ETV1: variants seen among roughly 807,000 people sequenced by gnomAD.
The protein encoded by ETV1 is ETS translocation variant 1.
ETV1 carries 27 observed loss-of-function variants against 62.3 expected under a neutral mutation model. The observed-to-expected ratio is 0.43, with a 90% CI of 0.32 to 0.60. ETV1 has a LOEUF of 0.60. ETV1 is among the 20% of genes least tolerant of loss of function. The pLI, the probability that ETV1 is intolerant of heterozygous loss-of-function variation, is 0.06. For synonymous variants in ETV1, 222 were observed against 199.6 expected (o/e 1.11, Z -0.94); for missense variants, 605 against 605.8 (o/e 1.00, Z 0.01).
At chr7:13,900,957 T>TAA (rs1782355000) in intron 12 of ETV1, 118 bp from the exon 13 acceptor site, 3 of 619,766 alleles carry the variant, frequency 4.8e-6, no homozygotes, top group South Asian at 5.0e-5. Flanking sequence ...AGGATATAAG[T>TAA]AAAGTAGCAA....
chr7:13,977,961 C>T (rs1363050561), intron 5 of ETV1, among the ~76,000 whole-genome samples: 2 of 152,026 alleles, frequency 1.3e-5, no homozygotes, highest in African/African-American at 2.4e-5. Flanking sequence ...CTCTGTCCTG[C>T]AAAATACACC....
In ETV1 at chr7:13,904,875, AG is replaced by A. The variant is rs1193132911; in HGVS notation, c.1110+1554del. Among the ~76,000 whole-genome samples the A allele has an allele frequency of 2.0e-5, 3 of 151,030 alleles. No homozygotes were observed. In the East Asian group the frequency reaches 5.8e-4, roughly 29 times the overall value. On this transcript the variant is annotated intron_variant, in intron 12 of 13. Transcript: ENST00000430479. ...GGTTCTTTCACTTACATCATGTGAG[AG>A]TATCTATGAAAAAACTAATCTTCTT...
At chr7:13,956,438 C>T (rs1195275758) in intron 6 of ETV1, among the ~76,000 whole-genome samples, 1 of 152,072 alleles carries the variant, frequency 6.6e-6, no homozygotes, top group African/African-American at 2.4e-5. Context: ...CTTCAGGAAC[C>T]AAGCCTTGTC....
At chr7:13,971,459 A>G (rs1434290480) in intron 6 of ETV1, among the ~76,000 whole-genome samples, 1 of 152,220 alleles carries the variant, frequency 6.6e-6, no homozygotes, top group Non-Finnish European at 1.5e-5. Flanking sequence ...TAAAGTACAG[A>G]AGTTTGCAAA....
intron 6 of ETV1, chr7:13,959,109 A>G (rs1427528194): frequency 1.3e-5 from 2 of 151,906 alleles, no homozygotes. Context: ...GTAGTCAGGT[A>G]GTATTTTTTT....
At chr7:13,985,863 CCTA>C (rs1782501742) in intron 5 of ETV1, among the ~76,000 whole-genome samples, 1 of 152,060 alleles carries the variant, frequency 6.6e-6, no homozygotes. Context: ...ATCTCATTTT[CCTA>C]TAAAGTTGCA....
At chr7:13,963,763 T>C (rs781019553) in intron 6 of ETV1, among the ~76,000 whole-genome samples, 1 of 152,180 alleles carries the variant, frequency 6.6e-6, no homozygotes, top group Non-Finnish European at 1.5e-5. Flanking sequence ...GATAGGTCTA[T>C]ATATTCCATA....
intron 9 of ETV1, among the ~76,000 whole-genome samples, chr7:13,916,646 A>G (rs1297894564): frequency 6.6e-6 from 1 of 152,072 alleles, no homozygotes; most frequent in Non-Finnish European, 1.5e-5. Flanking sequence ...AAAAAAGAGT[A>G]GGCTGTGCAC....
Position 13,911,263 on chromosome 7 carries a change from G to C in ETV1, c.847C>G (p.Leu283Val). The change falls in exon 10 of 14, where the codon CTG becomes GTG. Residue 283 changes from leucine (L) to valine (V), a missense_variant. By Grantham distance (32) the Leu-to-Val change is conservative. Coordinates refer to ENST00000430479, the MANE Select transcript of ETV1 (RefSeq NM_004956.5). ...ACTTCTGTTCTGCTGGGATGAGCCA[G>C]GAAGCCTTCTTGCCTCATATAAATG... ...HSIYMRQEGFLAHPSRTEGCM... is the reference protein window; with the variant it reads ...HSIYMRQEGFVAHPSRTEGCM... The C allele has an allele frequency of 6.2e-7, 1 of 1,613,026 alleles. No individual in the cohort carries two copies. The highest frequency in any genetic ancestry group is 1.1e-5 in the South Asian group (1 of 90,984).
At chr7:13,988,834 G>T (rs749585865) in intron 3 of ETV1, 174 bp downstream of exon 3, 142 of 1,598,062 alleles carry the variant, frequency 8.9e-5, no homozygotes, top group Non-Finnish European at 1.1e-4. Context: ...TCACTGAAAG[G>T]TAAGCTCATT....
chr7:13,914,857 A>G (rs533977347), intron 9 of ETV1, among the ~76,000 whole-genome samples: 147 of 152,288 alleles, frequency 9.7e-4, no homozygotes, highest in Middle Eastern at 6.8e-3. Flanking sequence ...AAGGATCTAC[A>G]TCAGGCCACG....
Position 13,893,147 on chromosome 7 carries a change from T to A in ETV1, c.*2719A>T. On this transcript the variant is annotated 3_prime_UTR_variant, in exon 14 of 14. Coordinates refer to ENST00000430479, the MANE Select transcript of ETV1 (RefSeq NM_004956.5). ...GCAATTAATCTATTGGGTATTAACA[T>A]GTCATCATCAAGAGACAGCAAACAG... 4.3e-6 allele frequency: 1 copy of A among 232,606 alleles called. No individual in the cohort carries two copies. The highest frequency in any genetic ancestry group is 8.5e-6 in the Non-Finnish European group (1 of 117,684). The allele number at this position is 232,606 out of a possible 1,614,324, so 14.4% of individuals were successfully genotyped here.
chr7:13,909,094 T>C (rs2072167), intron 11 of ETV1, among the ~76,000 whole-genome samples: 60,349 of 149,754 alleles, frequency 0.4, 12,325 homozygotes, highest in African/African-American at 0.44. Context: ...TTTTAAGCAA[T>C]TACAAAGTCA....
chr7:13,909,511 T>A (rs534018020), intron 11 of ETV1, 121 bp downstream of exon 11: 17 of 738,426 alleles, frequency 2.3e-5, no homozygotes. Flanking sequence ...TAAAATTAAG[T>A]GCATGATGAA....
intron 5 of ETV1, among the ~76,000 whole-genome samples, chr7:13,978,398 AACAC>A (rs10554441): frequency 3.3e-5 from 5 of 150,602 alleles, no homozygotes; most frequent in African/African-American, 4.9e-5. Flanking sequence ...AATACATGCA[AACAC>A]ACACACACAC....
At chr7:13,975,160 G>T (rs879391064) in intron 6 of ETV1, 3 of 152,190 alleles carry the variant, frequency 2.0e-5, no homozygotes, top group African/African-American at 7.2e-5. Flanking sequence ...CATTTCGTGT[G>T]CTCAATGGCC....
chr7:13,907,028 T>C (rs17167634), intron 11 of ETV1, among the ~76,000 whole-genome samples: 4,918 of 152,322 alleles, frequency 0.032, 118 homozygotes, highest in African/African-American at 0.06. Flanking sequence ...ATTTGATTCA[T>C]ACAAATTAAA....
Position 13,939,120 on chromosome 7 carries a change from A to ACATT in ETV1, c.358_361dup (p.Val121GlufsTer6). 6.2e-7 allele frequency: 1 copy of ACATT among 1,612,550 alleles called. No individual in the cohort carries two copies. Among genetic ancestry groups the ACATT allele is most frequent in the Non-Finnish European group, 8.5e-7 (1 of 1,179,480 alleles). On this transcript the variant is annotated frameshift_variant, in exon 7 of 14. Coordinates refer to ENST00000430479, the MANE Select transcript of ETV1 (RefSeq NM_004956.5). LOFTEE classifies it high-confidence loss of function. ...TACATACACCTGGTGGCTTTACCTG[A>ACATT]CATTGTACAGGCACTTTTCTCCATA...
chr7:13,928,218 A>G (rs111804889), intron 9 of ETV1, among the ~76,000 whole-genome samples: 12 of 152,206 alleles, frequency 7.9e-5, no homozygotes, highest in Non-Finnish European at 1.6e-4. Context: ...TTAGGTTCAC[A>G]TCTTCTTAAG....
Sources: gnomAD v4.1 joint callset for allele counts (sites outside exome capture counted in the v4.1 genomes callset) on GRCh38, gnomAD v4.1.1 for gene constraint, MANE v1.5 for transcripts, NCBI Gene and HGNC (gene_info 2026-07-23, HGNC 2026-07-21) for gene names.